KHDRBS3: variants seen among roughly 807,000 people sequenced by gnomAD.
KHDRBS3 encodes KH domain-containing, RNA-binding, signal transduction-associated protein 3.
In KHDRBS3, 23 loss-of-function variants were observed where a neutral mutation model predicts 45.6. The observed-to-expected ratio is 0.50, with a 90% CI of 0.36 to 0.72. The LOEUF is 0.72. Ranked by LOEUF, KHDRBS3 falls within the 30% of genes least tolerant of loss-of-function variation. The pLI is 0.00. For missense variants in KHDRBS3, 352 were observed against 424.8 expected (o/e 0.83, Z 1.51); for synonymous variants, 162 against 156.5 (o/e 1.04, Z -0.26).
intron 7 of KHDRBS3, among the ~76,000 whole-genome samples, chr8:135,621,587 C>G (rs748915783): frequency 1.3e-5 from 2 of 152,036 alleles, no homozygotes; most frequent in Non-Finnish European, 2.9e-5. Context: ...TTCATCAACA[C>G]TTCTTAAGCA....
intron 6 of KHDRBS3, among the ~76,000 whole-genome samples, chr8:135,594,351 T>C (rs1353223512): frequency 6.6e-6 from 1 of 152,144 alleles, no homozygotes; most frequent in Non-Finnish European, 1.5e-5. Context: ...GGCCAGACAG[T>C]ATATCATAGG....
At chr8:135,614,419 T>C (rs1250832847) in intron 7 of KHDRBS3, among the ~76,000 whole-genome samples, 1 of 151,898 alleles carries the variant, frequency 6.6e-6, no homozygotes, top group Non-Finnish European at 1.5e-5. Flanking sequence ...GGAATTAGTT[T>C]ATATTTGATG....
chr8:135,514,339 A>T (rs150471818), intron 1 of KHDRBS3, among the ~76,000 whole-genome samples: 329 of 152,386 alleles, frequency 2.2e-3, no homozygotes, highest in African/African-American at 7.5e-3. Context: ...TGAATGGATA[A>T]ACAAAATGTG....
intron 1 of KHDRBS3, among the ~76,000 whole-genome samples, chr8:135,484,671 T>C (rs1004378519): frequency 1.3e-5 from 2 of 152,220 alleles, no homozygotes; most frequent in Non-Finnish European, 2.9e-5. Flanking sequence ...TGACTCCCCT[T>C]TCATGAATAT....
chr8:135,598,677 C>T (rs1412078856), intron 6 of KHDRBS3, among the ~76,000 whole-genome samples: 1 of 152,172 alleles, frequency 6.6e-6, no homozygotes, highest in African/African-American at 2.4e-5. Flanking sequence ...GTGATATGCT[C>T]ATAGTCTAAT....
intron 4 of KHDRBS3, among the ~76,000 whole-genome samples, chr8:135,552,971 T>C (rs1463887152): frequency 6.6e-6 from 1 of 152,170 alleles, no homozygotes; most frequent in Non-Finnish European, 1.5e-5. Flanking sequence ...GGATGCCTCC[T>C]GTCTCCGCTG....
At chr8:135,573,882 G>T (rs1341570977) in intron 5 of KHDRBS3, among the ~76,000 whole-genome samples, 3 of 152,026 alleles carry the variant, frequency 2.0e-5, no homozygotes, top group African/African-American at 7.3e-5. Context: ...TTGCATTGTA[G>T]ACCATCCATT....
At chr8:135,655,753 C>T (rs1047529765) in intron 4 of KHDRBS3, among the ~76,000 whole-genome samples, 4 of 138,600 alleles carry the variant, frequency 2.9e-5, no homozygotes, top group Non-Finnish European at 6.4e-5. Flanking sequence ...GTTTGTTTTT[C>T]TGATCACCAG....
At chr8:135,542,403 T>G in intron 2 of KHDRBS3, 1 of 399,356 alleles carries the variant, frequency 2.5e-6, no homozygotes, top group South Asian at 3.9e-5. Flanking sequence ...GGAAATTAGC[T>G]TCATTCACAG....
At chr8:135,615,108 G>C (rs893699124) in intron 7 of KHDRBS3, among the ~76,000 whole-genome samples, 2 of 151,758 alleles carry the variant, frequency 1.3e-5, no homozygotes, top group Non-Finnish European at 2.9e-5. Flanking sequence ...TACTGAGGGT[G>C]ATCAGATATC....
chr8:135,576,946 G>A (rs533576500), intron 5 of KHDRBS3, among the ~76,000 whole-genome samples: 1 of 151,922 alleles, frequency 6.6e-6, no homozygotes, highest in East Asian at 1.9e-4. Context: ...TCTTCCCTTT[G>A]CTTATTACTC....
At chr8:135,469,343 G>C (rs1821859224) in intron 1 of KHDRBS3, among the ~76,000 whole-genome samples, 1 of 152,140 alleles carries the variant, frequency 6.6e-6, no homozygotes, top group Non-Finnish European at 1.5e-5. Context: ...GGAGTGCAGT[G>C]GCGCGATCTC....
intron 1 of KHDRBS3, among the ~76,000 whole-genome samples, chr8:135,486,597 C>T (rs569548689): frequency 2.3e-4 from 35 of 152,288 alleles, no homozygotes; most frequent in Non-Finnish European, 5.9e-5. Context: ...TTTTCAATCC[C>T]AGGTGTCTGA....
chr8:135,471,625 T>C (rs2130211980), intron 1 of KHDRBS3, among the ~76,000 whole-genome samples: 1 of 152,092 alleles, frequency 6.6e-6, no homozygotes, highest in South Asian at 2.1e-4. Context: ...GGTGAGGGAG[T>C]GGGCACTTGT....
chr8:135,651,642 C>T (rs991707699), downstream of KHDRBS3, among the ~76,000 whole-genome samples: 1 of 152,108 alleles, frequency 6.6e-6, no homozygotes, highest in African/African-American at 2.4e-5. Context: ...TATAGTGCCT[C>T]ATTTAGTCTG....
At chr8:135,491,060 T>C (rs1468128964) in intron 1 of KHDRBS3, among the ~76,000 whole-genome samples, 2 of 152,212 alleles carry the variant, frequency 1.3e-5, no homozygotes, top group Non-Finnish European at 2.9e-5. Flanking sequence ...TCAGCCTTAA[T>C]TTATGTATAT....
At chr8:135,539,761 C>T (rs576424972) in intron 2 of KHDRBS3, 5 of 152,182 alleles carry the variant, frequency 3.3e-5, no homozygotes, top group African/African-American at 9.6e-5. Context: ...CATGGTTGAA[C>T]AGAGTTGAGA....
At chr8:135,495,975 T>C (rs1005675519) in intron 1 of KHDRBS3, among the ~76,000 whole-genome samples, 6 of 151,950 alleles carry the variant, frequency 3.9e-5, no homozygotes, top group African/African-American at 9.7e-5. Flanking sequence ...AATATTACTT[T>C]TGAAATGCAA....
intron 5 of KHDRBS3, among the ~76,000 whole-genome samples, chr8:135,570,599 T>G (rs1050621697): frequency 4.6e-5 from 7 of 152,174 alleles, no homozygotes; most frequent in African/African-American, 1.7e-4. Context: ...AACACTCCAT[T>G]GGGATGTTAT....
Sources: allele counts gnomAD v4.1 joint callset (sites outside exome capture counted in the v4.1 genomes callset), GRCh38; gene constraint gnomAD v4.1.1; transcripts MANE v1.5; gene names NCBI Gene and HGNC (gene_info 2026-07-23, HGNC 2026-07-21).